The following PKN2 variants were observed in gnomAD, a reference collection of about 807,000 sequenced individuals.
The protein encoded by PKN2 is serine/threonine-protein kinase N2.
Under a neutral mutation model 119.1 loss-of-function variants are expected in PKN2, and 38 were observed. That is an observed-to-expected ratio of 0.32 (90% confidence interval 0.25 to 0.42). PKN2 has a LOEUF of 0.42. Among genes scored for constraint, PKN2 ranks in the 10% least tolerant of loss-of-function variants. PKN2 has a pLI of 1.00. For missense variants in PKN2, 850 were observed against 1,165.1 expected (o/e 0.73, Z 3.94); for synonymous variants, 390 against 384.9 (o/e 1.01, Z -0.15).
At chr1:88,706,309 A>G (rs1307187341) in intron 1 of PKN2, among the ~76,000 whole-genome samples, 1 of 152,166 alleles carries the variant, frequency 6.6e-6, no homozygotes, top group Non-Finnish European at 1.5e-5. Context: ...TAGAAGTACA[A>G]TTGATTTTTC....
At chr1:88,693,287 C>T (rs533398496) in intron 1 of PKN2, among the ~76,000 whole-genome samples, 1 of 152,124 alleles carries the variant, frequency 6.6e-6, no homozygotes, top group African/African-American at 2.4e-5. Flanking sequence ...AGATTTAATA[C>T]TGGATATAAA....
intron 15 of PKN2, among the ~76,000 whole-genome samples, chr1:88,811,128 G>A (rs1273151679): frequency 6.6e-6 from 1 of 152,108 alleles, no homozygotes; most frequent in Non-Finnish European, 1.5e-5. Flanking sequence ...AACACTCTAA[G>A]TCCCATTTGC....
intron 1 of PKN2, 74 bp from the exon 2 acceptor site, chr1:88,740,914 C>A: frequency 1.1e-6 from 1 of 918,520 alleles, no homozygotes; most frequent in Non-Finnish European, 1.7e-6. Flanking sequence ...CTCTCTTAGG[C>A]TGAAAACACT....
chr1:88,820,235 A>G (rs867635926), intron 16 of PKN2, among the ~76,000 whole-genome samples: 20 of 93,494 alleles, frequency 2.1e-4, no homozygotes, highest in African/African-American at 1.2e-3. Flanking sequence ...TATATATATA[A>G]ATAGAAAAAA....
intron 8 of PKN2, among the ~76,000 whole-genome samples, chr1:88,788,226 T>G (rs748482150): frequency 3.6e-4 from 55 of 152,180 alleles, no homozygotes; most frequent in Non-Finnish European, 6.9e-4. Flanking sequence ...CTAGAAAAAT[T>G]CAAATTATGT....
chr1:88,707,823 A>G (rs1368157091), intron 1 of PKN2, among the ~76,000 whole-genome samples: 1 of 152,164 alleles, frequency 6.6e-6, no homozygotes, highest in Non-Finnish European at 1.5e-5. Context: ...ATATTGAGAG[A>G]AAGCAACTCA....
At chr1:88,816,118 C>T (rs1282170181) in intron 16 of PKN2, among the ~76,000 whole-genome samples, 3 of 147,066 alleles carry the variant, frequency 2.0e-5, no homozygotes, top group Admixed American at 6.8e-5. Flanking sequence ...CCACCCTGGG[C>T]GACAGAGTGA....
intron 16 of PKN2, among the ~76,000 whole-genome samples, chr1:88,817,371 C>T (rs1213041449): frequency 6.7e-6 from 1 of 150,062 alleles, no homozygotes; most frequent in Admixed American, 6.7e-5. Context: ...GATCACGCCA[C>T]TGCACTCCAG....
intron 1 of PKN2, among the ~76,000 whole-genome samples, chr1:88,719,913 A>G (rs1667601187): frequency 6.6e-6 from 1 of 152,222 alleles, no homozygotes; most frequent in African/African-American, 2.4e-5. Flanking sequence ...AATCATTTTA[A>G]TAATTCTTTG....
intron 1 of PKN2, among the ~76,000 whole-genome samples, chr1:88,710,814 A>G (rs1258558267): frequency 6.6e-6 from 1 of 152,208 alleles, no homozygotes; most frequent in East Asian, 1.9e-4. Flanking sequence ...ACCCGAAGGA[A>G]TATAAATCAT....
chr1:88,807,816 G>C (rs763991100), intron 15 of PKN2, 41 bp downstream of exon 15: 3 of 1,211,616 alleles, frequency 2.5e-6, no homozygotes, highest in Non-Finnish European at 3.6e-6. Flanking sequence ...TTCTGAATTT[G>C]TAAGTTAAGA....
rs1319872616 is a variant in PKN2 at position 88,833,988 on chromosome 1, TAAA to T, written c.*545_*547del. ...ATACAACTCGGGGCTTGATTTTTTTTAAAAAAACAGAATGAATTGATGTCTTAT... is the reference window on the plus strand; with the variant it reads ...ATACAACTCGGGGCTTGATTTTTTTTAAAACAGAATGAATTGATGTCTTAT... On this transcript the variant is annotated 3_prime_UTR_variant, in exon 22 of 22. Coordinates refer to ENST00000370521, the MANE Select transcript of PKN2 (RefSeq NM_006256.4). The T allele has an allele frequency of 1.3e-5, 2 of 151,974 alleles. No individual in the cohort carries two copies. The highest frequency in any genetic ancestry group is 2.9e-5 in the Non-Finnish European group (2 of 67,948). The allele number at this position is 151,974 out of a possible 1,614,324, so 9.4% of individuals were successfully genotyped here.
intron 3 of PKN2, among the ~76,000 whole-genome samples, chr1:88,763,607 C>CAAAAAAAAAAAAAAAAAAAAA (rs34763457): frequency 9.7e-6 from 1 of 103,402 alleles, no homozygotes. Flanking sequence ...AACTCCATCT[C>CAAAAAAAAAAAAAAAAAAAAA]AAAAAAAAAA....
At chr1:88,708,504 G>T (rs1408703909) in intron 1 of PKN2, among the ~76,000 whole-genome samples, 2 of 151,696 alleles carry the variant, frequency 1.3e-5, no homozygotes, top group African/African-American at 4.8e-5. Context: ...ATCCTAAATT[G>T]TGATTAAAAT....
intron 1 of PKN2, among the ~76,000 whole-genome samples, chr1:88,688,087 T>A (rs1666177884): frequency 1.9e-4 from 1 of 5,298 alleles, no homozygotes; most frequent in South Asian, 0.024. Flanking sequence ...ACTACACTAT[T>A]CTTTTTTTTT....
chr1:88,815,427 G>A (rs752876004), intron 16 of PKN2: 4 of 351,844 alleles, frequency 1.1e-5, no homozygotes, highest in African/African-American at 2.3e-5. Context: ...TCTATTTTCT[G>A]TATTATCTTT....
chr1:88,805,792 C>G (rs905130968), intron 11 of PKN2, 99 bp from the exon 12 acceptor site: 1 of 1,604,702 alleles, frequency 6.2e-7, no homozygotes, highest in African/African-American at 1.3e-5. Flanking sequence ...AAGTAGTGTT[C>G]TGTTTACTTA....
intron 1 of PKN2, among the ~76,000 whole-genome samples, chr1:88,703,043 G>T (rs989535423): frequency 2.6e-5 from 4 of 152,122 alleles, no homozygotes; most frequent in African/African-American, 9.7e-5. Flanking sequence ...AAAAGTAGCA[G>T]TACTTGTGAT....
intron 2 of PKN2, among the ~76,000 whole-genome samples, chr1:88,745,868 CATAAAA>C (rs1464185336): frequency 6.6e-6 from 1 of 152,038 alleles, no homozygotes; most frequent in Non-Finnish European, 1.5e-5. Flanking sequence ...ATCATAATGA[CATAAAA>C]ATAGACTCAT....
Sources: allele counts gnomAD v4.1 joint callset (sites outside exome capture counted in the v4.1 genomes callset), GRCh38; gene constraint gnomAD v4.1.1; transcripts MANE v1.5; gene names NCBI Gene and HGNC (gene_info 2026-07-23, HGNC 2026-07-21).